The following RETREG1 variants were observed in gnomAD, a reference collection of about 807,000 sequenced individuals.
RETREG1 encodes the protein family with sequence similarity 134 member B.
RETREG1 carries 44 observed loss-of-function variants against 54.8 expected under a neutral mutation model. The observed-to-expected ratio is 0.80, with a 90% CI of 0.63 to 1.03. The LOEUF (loss-of-function observed/expected upper bound fraction) is 1.03. Among genes scored for constraint, RETREG1 ranks in the 50% least tolerant of loss-of-function variants. The pLI, the probability that RETREG1 is intolerant of heterozygous loss-of-function variation, is 0.00. For missense variants in RETREG1, 554 were observed against 605.1 expected, an observed-to-expected ratio of 0.92 and a Z score of 0.89; for synonymous variants, 217 against 238.5, an observed-to-expected ratio of 0.91 and a Z score of 0.83.
At chr5:16,592,533 G>A (rs559639179) in intron 1 of RETREG1, among the ~76,000 whole-genome samples, 1 of 152,040 alleles carries the variant, frequency 6.6e-6, no homozygotes, top group African/African-American at 2.4e-5. Flanking sequence ...CATTAACCCA[G>A]CAATCTCATT....
At chr5:16,556,814 C>T (rs1036729956) in intron 3 of RETREG1, among the ~76,000 whole-genome samples, 3 of 152,046 alleles carry the variant, frequency 2.0e-5, no homozygotes, top group Non-Finnish European at 2.9e-5. Flanking sequence ...AACTAGGATA[C>T]GATACGCACC....
At chr5:16,495,132 C>A (rs190178260) in intron 3 of RETREG1, among the ~76,000 whole-genome samples, 1 of 152,228 alleles carries the variant, frequency 6.6e-6, no homozygotes, top group Non-Finnish European at 1.5e-5. Context: ...TTCTAAGCAG[C>A]AAGGTGTTCA....
chr5:16,616,534 G>A, intron 1 of RETREG1, 118 bp downstream of exon 1: 2 of 1,478,230 alleles, frequency 1.4e-6, no homozygotes, highest in African/African-American at 2.9e-5. Context: ...GTGGGGCAGG[G>A]CTGACAATTC....
At chr5:16,484,493 T>C (rs767395656) in intron 3 of RETREG1, among the ~76,000 whole-genome samples, 12 of 152,268 alleles carry the variant, frequency 7.9e-5, no homozygotes, top group African/African-American at 2.6e-4. Flanking sequence ...AAGACTAGAA[T>C]TGTTAGTGAA....
intron 1 of RETREG1, among the ~76,000 whole-genome samples, chr5:16,580,716 A>C (rs1742456677): frequency 1.3e-5 from 2 of 152,190 alleles, no homozygotes; most frequent in African/African-American, 4.8e-5. Context: ...CCAGAAGACC[A>C]TGAGGGCAGG....
rs762560875 is a variant in RETREG1 at position 16,474,827 on chromosome 5, A to G, written c.1408T>C (p.Leu470=). The part of the protein sequence containing the change: ...QSELDQIESE[L]GLTQDQEAEA... ...GCTTCCTGGTCTTGTGTAAGTCCCA[A>G]TTCACTCTCAATTTGATCCAGCTCT... The change falls in exon 9 of 9, where the codon TTG becomes CTG. Residue 470 remains leucine (L), a synonymous_variant. Coordinates refer to ENST00000306320, the MANE Select transcript of RETREG1 (RefSeq NM_001034850.3). 2.2e-5 allele frequency: 35 copies of G among 1,613,756 alleles called. No individual in the cohort carries two copies. The African/African-American group carries it at 3.1e-4, about 14-fold the overall frequency.
At chr5:16,600,858 GA>G (rs1743032425) in intron 1 of RETREG1, among the ~76,000 whole-genome samples, 3 of 151,908 alleles carry the variant, frequency 2.0e-5, no homozygotes, top group Non-Finnish European at 4.4e-5. Flanking sequence ...AAAAATCTAA[GA>G]ATCAAAACAA....
chr5:16,481,791 A>T (rs1738785633), intron 4 of RETREG1, among the ~76,000 whole-genome samples: 1 of 152,116 alleles, frequency 6.6e-6, no homozygotes, highest in South Asian at 2.1e-4. Context: ...TAAGAAATTT[A>T]AAAACATCAG....
chr5:16,508,655 C>T (rs1289802195), intron 3 of RETREG1: 4 of 1,613,770 alleles, frequency 2.5e-6, no homozygotes, highest in Non-Finnish European at 3.4e-6. Context: ...GGCTGCAGCA[C>T]CTGCTAACCA....
Position 16,474,915 on chromosome 5 carries a change from G to A in RETREG1, c.1320C>T (p.Ala440=), listed in dbSNP as rs369802103. Residue 440 remains alanine (A), a synonymous_variant, in exon 9 of 9, where the codon GCC becomes GCT. Transcript: ENST00000306320. ...TGTCTGTGTCCTCTTCTGGGATGGGGGCAGCCTGAGAAAGTGCTTGCTGCA... is the reference window on the plus strand; with the variant it reads ...TGTCTGTGTCCTCTTCTGGGATGGGAGCAGCCTGAGAAAGTGCTTGCTGCA... The part of the protein sequence containing the change: ...EGVQQALSQA[A]PIPEEDTDTE... 2 of 1,613,624 alleles carry A rather than the reference G, an allele frequency of 1.2e-6. No homozygotes were observed. The highest frequency in any genetic ancestry group is 1.3e-5 in the African/African-American group (1 of 74,836).
chr5:16,537,686 GA>G (rs1741117904), intron 3 of RETREG1, among the ~76,000 whole-genome samples: 4 of 152,116 alleles, frequency 2.6e-5, no homozygotes, highest in African/African-American at 7.2e-5. Context: ...GACAGAGCAA[GA>G]CTCTGTCCCC....
intron 8 of RETREG1, 117 bp from the exon 9 acceptor site, chr5:16,475,351 A>G: frequency 8.8e-6 from 10 of 1,134,360 alleles, no homozygotes; most frequent in Non-Finnish European, 1.2e-5. Context: ...GCATTCATCT[A>G]GCCTCCTGGG....
intron 1 of RETREG1, among the ~76,000 whole-genome samples, chr5:16,599,323 T>A (rs903300818): frequency 1.3e-5 from 2 of 152,226 alleles, no homozygotes; most frequent in African/African-American, 4.8e-5. Context: ...TTCACTAATA[T>A]TCTAATCAGT....
chr5:16,543,675 C>CA (rs758476063), intron 3 of RETREG1, among the ~76,000 whole-genome samples: 1,038 of 70,108 alleles, frequency 0.015, no homozygotes, highest in Non-Finnish European at 0.017. Flanking sequence ...GACAACATCT[C>CA]AAAAAAAAAA....
intron 3 of RETREG1, among the ~76,000 whole-genome samples, chr5:16,488,644 G>A (rs1739111896): frequency 6.6e-6 from 1 of 152,118 alleles, no homozygotes; most frequent in Non-Finnish European, 1.5e-5. Flanking sequence ...CAGTGTCTTT[G>A]GCCAAGAATG....
Position 16,532,440 on chromosome 5 carries a change from G to A in RETREG1, c.458+33323C>T, listed in dbSNP as rs550030474. Among the ~76,000 whole-genome samples, 7 of 152,288 alleles carry A rather than the reference G, an allele frequency of 4.6e-5. No homozygotes were observed. The East Asian group carries it at 1.2e-3, about 25-fold the overall frequency. On this transcript the variant is annotated intron_variant, in intron 3 of 8. Transcript: ENST00000306320. ...CTCGGGAAGCTGAGGCAGGAGAATC[G>A]CTTGAACCCTGGGAGGCGGAGGTTG...
At chr5:16,569,480 G>A (rs889123008) in intron 2 of RETREG1, among the ~76,000 whole-genome samples, 1 of 151,982 alleles carries the variant, frequency 6.6e-6, no homozygotes, top group Non-Finnish European at 1.5e-5. Flanking sequence ...GCACAGAAAG[G>A]GGCTCAACAC....
intron 3 of RETREG1, among the ~76,000 whole-genome samples, chr5:16,515,333 C>A (rs1472533310): frequency 6.6e-6 from 1 of 152,170 alleles, no homozygotes; most frequent in Non-Finnish European, 1.5e-5. Context: ...TTGTCTATTT[C>A]TTCTCTTAAA....
intron 3 of RETREG1, among the ~76,000 whole-genome samples, chr5:16,553,125 T>C (rs1205962859): frequency 6.6e-6 from 1 of 152,190 alleles, no homozygotes; most frequent in African/African-American, 2.4e-5. Flanking sequence ...CTTTTTCCTT[T>C]AAATGACCAT....
Sources: allele counts gnomAD v4.1 joint callset (sites outside exome capture counted in the v4.1 genomes callset), GRCh38; gene constraint gnomAD v4.1.1; transcripts MANE v1.5; gene names NCBI Gene and HGNC (gene_info 2026-07-23, HGNC 2026-07-21).